Variants in SMAD3 observed in about 807,000 individuals in gnomAD.
SMAD3 encodes MAD homolog 3.
In SMAD3, 12 loss-of-function variants were observed where a neutral mutation model predicts 51.8. The observed-to-expected ratio is 0.23, with a 90% CI of 0.15 to 0.38. The LOEUF is 0.38. Among genes scored for constraint, SMAD3 ranks in the 10% least tolerant of loss-of-function variants. SMAD3 has a pLI of 1.00. For missense variants in SMAD3, 294 were observed against 565.6 expected (o/e 0.52, Z 4.87); for synonymous variants, 238 against 227.7 (o/e 1.05, Z -0.41).
At chr15:67,085,901 T>G (rs2118614) in intron 1 of SMAD3, among the ~76,000 whole-genome samples, 1 of 28,488 alleles carries the variant, frequency 3.5e-5, no homozygotes, top group Non-Finnish European at 9.9e-5. Context: ...CACACACACA[T>G]ACACAGAGAA....
chr15:67,079,659 T>C (rs943901523), intron 1 of SMAD3, among the ~76,000 whole-genome samples: 11 of 152,130 alleles, frequency 7.2e-5, no homozygotes, highest in African/African-American at 1.4e-4. Flanking sequence ...CTTGATCTTA[T>C]TTACTTACCT....
intron 1 of SMAD3, chr15:67,138,220 G>A: frequency 1.3e-6 from 1 of 773,084 alleles, no homozygotes. Context: ...TCTCTGGGTG[G>A]GGATGTGGAC....
intron 1 of SMAD3, among the ~76,000 whole-genome samples, chr15:67,085,984 G>A (rs1960384546): frequency 6.6e-6 from 1 of 151,852 alleles, no homozygotes; most frequent in Non-Finnish European, 1.5e-5. Flanking sequence ...CCTGAGGTTT[G>A]GAGTTCCAGT....
In SMAD3 at chr15:67,111,660, G is replaced by A. The variant is rs141104974; in HGVS notation, c.206+45300G>A. Among the ~76,000 whole-genome samples, 201 of 152,252 alleles carry A rather than the reference G, an allele frequency of 1.3e-3. 2 individuals are homozygous for A. Among genetic ancestry groups the A allele is most frequent in the African/African-American group, 4.6e-3 (191 of 41,558 alleles). On this transcript the variant is annotated intron_variant, in intron 1 of 8. Coordinates refer to ENST00000327367, the MANE Select transcript of SMAD3 (RefSeq NM_005902.4). ...GTTCTCCCCATCCTTGTCAACACTT[G>A]TTATTGTCTGTTTTATTTTAGCCAT...
chr15:67,142,768 T>A, intron 1 of SMAD3: 1 of 417,500 alleles, frequency 2.4e-6, no homozygotes, highest in Non-Finnish European at 4.9e-6. Flanking sequence ...TCTCAACATT[T>A]CAAGGAGAAA....
In SMAD3 at chr15:67,190,418, A is replaced by C. The variant is rs1963331252; in HGVS notation, c.1160A>C (p.Gln387Pro). ...VKGWGAEYRR[Q>P]TVTSTPCWIE... ...CCTTTCCCTATTTCTTACAGGAGAC[A>C]GACTGTGACCAGTACCCCCTGCTGG... Residue 387 changes from glutamine (Q) to proline (P), a missense_variant, in exon 9 of 9, where the codon CAG becomes CCG. Physicochemically the swap from Gln to Pro is moderately conservative, Grantham distance 76. Coordinates refer to ENST00000327367, the MANE Select transcript of SMAD3 (RefSeq NM_005902.4). 6.2e-7 allele frequency: 1 copy of C among 1,613,920 alleles called. No homozygotes were observed.
chr15:67,166,997 G>A (rs1211882062), intron 4 of SMAD3, 144 bp downstream of exon 4: 1 of 745,700 alleles, frequency 1.3e-6, no homozygotes, highest in East Asian at 2.7e-5. Flanking sequence ...ATGTGCAAGG[G>A]GCAGGGCATA....
intron 5 of SMAD3, among the ~76,000 whole-genome samples, chr15:67,181,000 A>ATAAATAAG (rs1963036896): frequency 6.6e-6 from 1 of 151,994 alleles, no homozygotes; most frequent in East Asian, 1.9e-4. Flanking sequence ...AAATAAATAA[A>ATAAATAAG]TAAATAAAAA....
At chr15:67,073,468 A>G (rs1960099863) in intron 1 of SMAD3, among the ~76,000 whole-genome samples, 1 of 152,248 alleles carries the variant, frequency 6.6e-6, no homozygotes, top group African/African-American at 2.4e-5. Flanking sequence ...AAAAATTAAT[A>G]AACAAGAGTT....
intron 4 of SMAD3, among the ~76,000 whole-genome samples, chr15:67,168,472 C>T (rs1962652944): frequency 2.6e-5 from 4 of 152,230 alleles, no homozygotes; most frequent in Admixed American, 2.0e-4. Flanking sequence ...GCGTGGGAAG[C>T]AGGCCAGCGG....
At chr15:67,187,171 G>A (rs778686787) in intron 7 of SMAD3, 194 bp from the exon 8 acceptor site, 6 of 709,898 alleles carry the variant, frequency 8.5e-6, no homozygotes, top group Non-Finnish European at 1.5e-5. Context: ...TGGGTTCAAG[G>A]GGAGGGACTG....
At chr15:67,083,266 G>T (rs184397060) in intron 1 of SMAD3, among the ~76,000 whole-genome samples, 1 of 152,354 alleles carries the variant, frequency 6.6e-6, no homozygotes, top group East Asian at 1.9e-4. Flanking sequence ...CCATGCCAGG[G>T]TGCCCCCAAC....
intron 1 of SMAD3, chr15:67,099,112 A>AT: frequency 1.5e-6 from 1 of 672,852 alleles, no homozygotes; most frequent in East Asian, 2.7e-5. Context: ...TGACTTCTGC[A>AT]TTCCTGGGAA....
chr15:67,175,524 C>T (rs1425193454), intron 5 of SMAD3, among the ~76,000 whole-genome samples: 1 of 152,208 alleles, frequency 6.6e-6, no homozygotes, highest in African/African-American at 2.4e-5. Flanking sequence ...CTGACGCTTC[C>T]TCAGGCACCT....
intron 5 of SMAD3, among the ~76,000 whole-genome samples, chr15:67,175,562 AT>A (rs1962868196): frequency 6.6e-6 from 1 of 152,014 alleles, no homozygotes; most frequent in Non-Finnish European, 1.5e-5. Flanking sequence ...TTCTTAGGTT[AT>A]TTCTTCCAAA....
At chr15:67,154,161 C>G (rs1398258298) in intron 1 of SMAD3, among the ~76,000 whole-genome samples, 2 of 152,108 alleles carry the variant, frequency 1.3e-5, no homozygotes, top group Non-Finnish European at 1.5e-5. Flanking sequence ...AAAGAGAGGA[C>G]TAAATATAAT....
chr15:67,108,256 T>G (rs957353179), intron 1 of SMAD3, among the ~76,000 whole-genome samples: 5 of 152,122 alleles, frequency 3.3e-5, no homozygotes, highest in African/African-American at 1.2e-4. Context: ...AGTGACTGAT[T>G]TCAAGTACAA....
chr15:67,116,551 T>G (rs1457832747), intron 1 of SMAD3, among the ~76,000 whole-genome samples: 1 of 152,038 alleles, frequency 6.6e-6, no homozygotes, highest in African/African-American at 2.4e-5. Flanking sequence ...GAGAAGCGTG[T>G]GGTAAAGGGG....
At chr15:67,176,744 A>G (rs577414107) in intron 5 of SMAD3, among the ~76,000 whole-genome samples, 65 of 152,302 alleles carry the variant, frequency 4.3e-4, no homozygotes, top group South Asian at 3.9e-3. Context: ...TAAGTGCCCT[A>G]TGGCACTTGA....
Sources: allele counts gnomAD v4.1 joint callset (sites outside exome capture counted in the v4.1 genomes callset), GRCh38; gene constraint gnomAD v4.1.1; transcripts MANE v1.5; gene names NCBI Gene and HGNC (gene_info 2026-07-23, HGNC 2026-07-21).